The following SEPTIN7 variants were observed in gnomAD, a reference collection of about 807,000 sequenced individuals.
SEPTIN7 encodes the protein septin 7.
A neutral mutation model predicts 63.3 loss-of-function variants in SEPTIN7; 10 were observed. That is an observed-to-expected ratio of 0.16 (90% CI 0.10 to 0.27). The LOEUF is 0.27. Ranked by LOEUF, SEPTIN7 falls within the 10% of genes least tolerant of loss-of-function variation. The probability of loss-of-function intolerance (pLI) is 1.00; values close to 1 mark genes in which losing one functional copy is unlikely to be tolerated. For missense variants in SEPTIN7, 310 were observed against 521.0 expected, an observed-to-expected ratio of 0.59 and a Z score of 3.94; for synonymous variants, 131 against 165.3, an observed-to-expected ratio of 0.79 and a Z score of 1.59.
intron 1 of SEPTIN7, among the ~76,000 whole-genome samples, chr7:35,811,851 G>T (rs1380103719): frequency 6.6e-6 from 1 of 152,156 alleles, no homozygotes; most frequent in Admixed American, 6.5e-5. Flanking sequence ...GTGAAACCCT[G>T]TCTCTACTAA....
intron 7 of SEPTIN7, among the ~76,000 whole-genome samples, chr7:35,881,022 C>T (rs1332463925): frequency 1.3e-5 from 2 of 151,988 alleles, no homozygotes; most frequent in African/African-American, 2.4e-5. Flanking sequence ...TTGTAATTAT[C>T]TCTATTGTCC....
At chr7:35,819,241 A>G (rs573862192) in intron 1 of SEPTIN7, among the ~76,000 whole-genome samples, 2 of 152,216 alleles carry the variant, frequency 1.3e-5, no homozygotes, top group African/African-American at 4.8e-5. Context: ...TTTAATTTTC[A>G]CAAGTGTGTG....
At chr7:35,852,455 G>A (rs1401489062) in intron 3 of SEPTIN7, among the ~76,000 whole-genome samples, 1 of 151,930 alleles carries the variant, frequency 6.6e-6, no homozygotes, top group Non-Finnish European at 1.5e-5. Flanking sequence ...TGATACTTAA[G>A]GAAACACAGA....
chr7:35,857,607 CT>C (rs1273413733), intron 3 of SEPTIN7, among the ~76,000 whole-genome samples: 3 of 152,102 alleles, frequency 2.0e-5, no homozygotes, highest in African/African-American at 7.2e-5. Flanking sequence ...TATGTATCCC[CT>C]GATATGTTAA....
rs1245831345 is a variant in SEPTIN7 at position 35,833,677 on chromosome 7, T to C, written c.169+777T>C. Among the ~76,000 whole-genome samples, 5 of 152,012 alleles carry C rather than the reference T, an allele frequency of 3.3e-5. No individual in the cohort carries two copies. In the East Asian group the frequency reaches 9.6e-4, roughly 29 times the overall value. ...GTGTAACTTTGTTGTATTTCTGTTATTTAAGAAGGTGAATTGCAGGGTAGT... is the reference window on the plus strand; with the variant it reads ...GTGTAACTTTGTTGTATTTCTGTTACTTAAGAAGGTGAATTGCAGGGTAGT... On this transcript the variant is annotated intron_variant, in intron 3 of 13. Coordinates refer to ENST00000350320, the MANE Select transcript of SEPTIN7 (RefSeq NM_001788.6).
intron 3 of SEPTIN7, among the ~76,000 whole-genome samples, chr7:35,857,728 A>G (rs143358329): frequency 6.6e-6 from 1 of 152,336 alleles, no homozygotes; most frequent in African/African-American, 2.4e-5. Context: ...ATCTTAACTG[A>G]AAGTATAATT....
At chr7:35,873,799 T>A in intron 6 of SEPTIN7, 24 bp downstream of exon 6, 1 of 1,603,848 alleles carries the variant, frequency 6.2e-7, no homozygotes, top group Non-Finnish European at 8.5e-7. Context: ...TACTTCTGAT[T>A]CCTTTTTTGT....
At chr7:35,851,423 A>G (rs1299747043) in intron 3 of SEPTIN7, among the ~76,000 whole-genome samples, 2 of 152,194 alleles carry the variant, frequency 1.3e-5, no homozygotes, top group Non-Finnish European at 2.9e-5. Flanking sequence ...GAATAAATGT[A>G]AAATAGGCAT....
intron 1 of SEPTIN7, among the ~76,000 whole-genome samples, chr7:35,819,033 C>T (rs536610431): frequency 4.0e-5 from 6 of 151,742 alleles, no homozygotes; most frequent in Admixed American, 2.6e-4. Flanking sequence ...TTTCTAGTTT[C>T]TTGAGATGGA....
chr7:35,873,876 A>G, intron 6 of SEPTIN7, 101 bp downstream of exon 6: 2 of 1,105,522 alleles, frequency 1.8e-6, no homozygotes, highest in Non-Finnish European at 2.6e-6. Flanking sequence ...AGTACACACA[A>G]CTATAGCCAT....
At chr7:35,914,653 C>A in the SEPTIN7 span, among the ~76,000 whole-genome samples, 1,014 of 106,790 alleles carry the variant, frequency 9.5e-3, 12 homozygotes, top group African/African-American at 0.027. Flanking sequence ...CTCTCTCTCT[C>A]TCTCTCTATA....
intron 3 of SEPTIN7, among the ~76,000 whole-genome samples, chr7:35,848,865 T>A (rs944811057): frequency 1.1e-4 from 16 of 152,230 alleles, no homozygotes; most frequent in Non-Finnish European, 2.4e-4. Flanking sequence ...ATGCTTCTAT[T>A]TCTGAGTATA....
the SEPTIN7 span, among the ~76,000 whole-genome samples, chr7:35,914,659 C>CTA: frequency 7.2e-4 from 39 of 54,322 alleles, no homozygotes; most frequent in African/African-American, 1.5e-3. Context: ...CTCTCTCTCT[C>CTA]TATATATATA....
intron 1 of SEPTIN7, among the ~76,000 whole-genome samples, chr7:35,805,524 C>T (rs1012001959): frequency 1.1e-4 from 17 of 152,224 alleles, no homozygotes; most frequent in Non-Finnish European, 2.2e-4. Flanking sequence ...CATTGGTCCA[C>T]AGACCACACT....
intron 12 of SEPTIN7, 144 bp downstream of exon 12, chr7:35,898,527 T>C: frequency 1.8e-6 from 1 of 549,116 alleles, no homozygotes; most frequent in African/African-American, 1.9e-5. Flanking sequence ...GATAAATTTC[T>C]AGAAGCAAGC....
At chr7:35,901,551 G>A (rs1788322945) in intron 12 of SEPTIN7, 2 of 152,082 alleles carry the variant, frequency 1.3e-5, no homozygotes, top group South Asian at 2.1e-4. Context: ...ACTTCAAAAG[G>A]CATCTGACCC....
intron 11 of SEPTIN7, 80 bp downstream of exon 11, chr7:35,890,873 T>C: frequency 2.5e-6 from 3 of 1,208,692 alleles, no homozygotes; most frequent in Non-Finnish European, 3.2e-6. Context: ...TTAAATTTCT[T>C]CTGGCTACTC....
chr7:35,868,127 C>T (rs1785931990), intron 4 of SEPTIN7, among the ~76,000 whole-genome samples: 1 of 152,146 alleles, frequency 6.6e-6, no homozygotes, highest in African/African-American at 2.4e-5. Context: ...ACCTCAGCCT[C>T]CGAAAGCGCT....
At chr7:35,904,166 T>G (rs1788485976) in intron 13 of SEPTIN7, 88 bp from the exon 14 acceptor site, 1 of 923,852 alleles carries the variant, frequency 1.1e-6, no homozygotes, top group African/African-American at 1.7e-5. Flanking sequence ...CCCAACATTG[T>G]TGTAATTGGG....
Sources: allele counts gnomAD v4.1 joint callset (sites outside exome capture counted in the v4.1 genomes callset), GRCh38; gene constraint gnomAD v4.1.1; transcripts MANE v1.5; gene names NCBI Gene and HGNC (gene_info 2026-07-23, HGNC 2026-07-21).